Variants in MYOM2 observed in about 807,000 individuals in gnomAD.
The protein encoded by MYOM2 is myomesin 2, also known as myomesin-2.
In MYOM2, 254 loss-of-function variants were observed where a neutral mutation model predicts 187.6. The ratio of observed to expected loss-of-function variants is 1.35; its 90% CI spans 1.22 to 1.50. The LOEUF (loss-of-function observed/expected upper bound fraction) is 1.50, where lower values mean the gene tolerates loss of function less well. MYOM2 is among the 40% of genes most tolerant of loss of function. The pLI, the probability that MYOM2 is intolerant of heterozygous loss-of-function variation, is 0.00. For synonymous variants in MYOM2, 981 were observed against 753.8 expected (o/e 1.30, Z -4.94); for missense variants, 2,796 against 1,924.0 (o/e 1.45, Z -8.48).
intron 3 of MYOM2, among the ~76,000 whole-genome samples, chr8:2,056,785 A>T (rs6558590): frequency 6.6e-6 from 1 of 152,058 alleles, no homozygotes; most frequent in African/African-American, 2.4e-5. Context: ...CCGTTAGCCC[A>T]GTAGCACCTA....
intron 6 of MYOM2, among the ~76,000 whole-genome samples, chr8:2,064,250 G>C (rs1188326719): frequency 6.6e-6 from 1 of 152,184 alleles, no homozygotes; most frequent in Non-Finnish European, 1.5e-5. Flanking sequence ...TCCCTCCCAG[G>C]GCAGGTCTTT....
At position 2,085,542 on chromosome 8, in the gene MYOM2, GC is replaced by G. The variant is rs1554546494; in HGVS notation, c.1644+156del. On this transcript the variant is annotated intron_variant, in intron 14 of 36. Transcript: ENST00000262113. ...CCCCCACTGTTGTGATCTCTGCGTG[GC>G]CCCACTGTCATGATCTCTGCGTGGC... 21 of 318,200 alleles carry G rather than the reference GC, an allele frequency of 6.6e-5. 2 individuals are homozygous for G. The highest frequency in any genetic ancestry group is 6.2e-4 in the African/African-American group (8 of 12,860). 19.7% of individuals were successfully genotyped at this position (318,200 alleles called of 1,614,324 possible). A position where few individuals can be genotyped will look rare whatever the true frequency, so the allele number is the denominator to read the frequency against.
intron 6 of MYOM2, among the ~76,000 whole-genome samples, chr8:2,065,625 T>C (rs1270293094): frequency 6.6e-6 from 1 of 152,198 alleles, no homozygotes; most frequent in African/African-American, 2.4e-5. Context: ...TTATTTCTTC[T>C]TATTGCCCAG....
chr8:2,085,451 T>A, intron 14 of MYOM2, 61 bp downstream of exon 14: 1 of 1,577,654 alleles, frequency 6.3e-7, no homozygotes, highest in Middle Eastern at 1.7e-4. Context: ...ACTGTCATGA[T>A]CTCTGCGTGG....
chr8:2,125,711 G>T (rs1563073152), intron 31 of MYOM2, among the ~76,000 whole-genome samples: 1 of 143,732 alleles, frequency 7.0e-6, no homozygotes, highest in Non-Finnish European at 1.5e-5. Flanking sequence ...GGGTTCAAGC[G>T]ATTTTCCTAC....
At chr8:2,073,938 A>G (rs1819326080) in intron 10 of MYOM2, among the ~76,000 whole-genome samples, 1 of 152,144 alleles carries the variant, frequency 6.6e-6, no homozygotes, top group African/African-American at 2.4e-5. Context: ...GGCAGATGTG[A>G]TGATGATGAC....
At chr8:2,053,636 GT>G (rs949254053) in intron 3 of MYOM2, among the ~76,000 whole-genome samples, 35 of 152,296 alleles carry the variant, frequency 2.3e-4, no homozygotes, top group Admixed American at 2.3e-3. Flanking sequence ...AAACACATTG[GT>G]CTATGCTCTT....
chr8:2,142,253 G>T (rs1798298670), intron 34 of MYOM2, 122 bp from the exon 35 acceptor site: 1 of 983,994 alleles, frequency 1.0e-6, no homozygotes, highest in Admixed American at 1.7e-5. Flanking sequence ...CTAAGAGAAT[G>T]CAAACGTATC....
intron 13 of MYOM2, among the ~76,000 whole-genome samples, chr8:2,080,598 A>G (rs895707915): frequency 1.3e-5 from 2 of 152,376 alleles, no homozygotes; most frequent in African/African-American, 4.8e-5. Flanking sequence ...ATAAGGAATG[A>G]AAGTGAGGGA....
intron 32 of MYOM2, among the ~76,000 whole-genome samples, chr8:2,135,841 A>T (rs1057509096): frequency 1.3e-5 from 2 of 152,210 alleles, no homozygotes; most frequent in African/African-American, 4.8e-5. Flanking sequence ...TAGTCAAAGA[A>T]ATTAACAGCT....
intron 6 of MYOM2, among the ~76,000 whole-genome samples, chr8:2,066,380 G>A (rs76517741): frequency 1.3e-5 from 2 of 152,154 alleles, no homozygotes; most frequent in South Asian, 2.1e-4. Flanking sequence ...TCTGGCATTC[G>A]AATCCTTCCA....
Position 2,072,389 on chromosome 8 carries a change from T to C in MYOM2, c.838T>C (p.Phe280Leu), listed in dbSNP as rs1317737356. 6.2e-7 allele frequency: 1 copy of C among 1,613,750 alleles called. No individual in the cohort carries two copies. The highest frequency in any genetic ancestry group is 8.5e-7 in the Non-Finnish European group (1 of 1,179,872). The change falls in exon 9 of 37, where the codon TTT becomes CTT. Residue 280 changes from phenylalanine (F) to leucine (L), a missense_variant. By Grantham distance (22) the Phe-to-Leu change is conservative (BLOSUM62 0). Coordinates refer to ENST00000262113, the MANE Select transcript of MYOM2 (RefSeq NM_003970.4). ...TCCGTACACGCACTTCGACGTCCAG[T>C]TTTTGGAGAAGTTTGGGGTCACCTT... The part of the protein sequence containing the change: ...MIPYTHFDVQ[F>L]LEKFGVTFRR...
intron 13 of MYOM2, 28 bp downstream of exon 13, chr8:2,079,641 C>T (rs773642890): frequency 3.1e-6 from 5 of 1,610,914 alleles, no homozygotes; most frequent in Admixed American, 3.3e-5. Context: ...ACCCCAGCTG[C>T]TCAGCCCCTG....
At chr8:2,116,129 G>A (rs760886658) in intron 26 of MYOM2, 25 bp downstream of exon 26, 52 of 1,150,042 alleles carry the variant, frequency 4.5e-5, no homozygotes, top group African/African-American at 3.9e-4. Flanking sequence ...ATATTTCCAC[G>A]TCCATACAAG....
Position 2,117,948 on chromosome 8 carries a change from G to A in MYOM2, c.3449G>A (p.Cys1150Tyr). 1 of 1,612,562 alleles carries A rather than the reference G, an allele frequency of 6.2e-7. No individual in the cohort carries two copies. The highest frequency in any genetic ancestry group is 8.5e-7 in the Non-Finnish European group (1 of 1,179,240). Residue 1150 changes from cysteine to tyrosine, a missense_variant, in exon 28 of 37, where the codon TGC (cysteine) becomes TAC (tyrosine). By Grantham distance (194) the Cys-to-Tyr change is radical. Transcript: ENST00000262113. ...VTEECEVRLVCKVANTKKETV... is the reference protein window; with the variant it reads ...VTEECEVRLVYKVANTKKETV... ...GAAGAATGTGAAGTTCGACTTGTTT[G>A]CAAGGTGAGAAACCCGGTTCTAACA...
chr8:2,137,647 A>G (rs1460625776), intron 32 of MYOM2, among the ~76,000 whole-genome samples: 1 of 152,136 alleles, frequency 6.6e-6, no homozygotes, highest in Non-Finnish European at 1.5e-5. Flanking sequence ...ACTAAGGCCT[A>G]TCAGTGTTGG....
At chr8:2,142,264 T>C in intron 34 of MYOM2, 111 bp from the exon 35 acceptor site, 6 of 1,060,932 alleles carry the variant, frequency 5.7e-6, no homozygotes, top group Non-Finnish European at 5.9e-6. Flanking sequence ...CAAACGTATC[T>C]CCTTCTTCTT....
chr8:2,059,246 G>C lies in MYOM2; in HGVS notation c.653+1G>C, dbSNP rs368958573. 46 of 1,613,674 alleles carry C rather than the reference G, an allele frequency of 2.9e-5. No homozygotes were observed. Among genetic ancestry groups the C allele is most frequent in the Non-Finnish European group, 3.6e-5 (42 of 1,179,758 alleles). On this transcript the variant is annotated splice_donor_variant, in intron 6 of 36. Transcript: ENST00000262113. LOFTEE classifies it high-confidence loss of function. Reference sequence around the variant, plus strand: ...GCGTACACACACTGGAGATCAACAGGTATGGCTGTGGTGGGGGCTCTGGAC... The same window carrying C: ...GCGTACACACACTGGAGATCAACAGCTATGGCTGTGGTGGGGGCTCTGGAC...
Position 2,143,262 on chromosome 8 carries a change from T to G in MYOM2, c.4025-139T>G, listed in dbSNP as rs1798340787. 4 of 975,486 alleles carry G rather than the reference T, an allele frequency of 4.1e-6. No individual in the cohort carries two copies. In the Admixed American group the frequency reaches 8.0e-5, roughly 19 times the overall value. The allele number at this position is 975,486 out of a possible 1,614,324, so 60.4% of individuals were successfully genotyped here. ...TCCCTCAACTGTAAACATATAAACC[T>G]TTTTCTTTGATGCTCGCTCTCTCCT... On this transcript the variant is annotated intron_variant, in intron 35 of 36. Transcript: ENST00000262113.
Sources: allele counts gnomAD v4.1 joint callset (sites outside exome capture counted in the v4.1 genomes callset), GRCh38; gene constraint gnomAD v4.1.1; transcripts MANE v1.5; gene names NCBI Gene and HGNC (gene_info 2026-07-23, HGNC 2026-07-21).